EPB41L3: variants seen among roughly 807,000 people sequenced by gnomAD.
EPB41L3 encodes the protein band 4.1-like protein 3.
Under a neutral mutation model 127.1 loss-of-function variants are expected in EPB41L3, and 57 were observed. The observed-to-expected ratio is 0.45, with a 90% CI of 0.36 to 0.56. EPB41L3 has a LOEUF of 0.56. Among genes scored for constraint, EPB41L3 ranks in the 20% least tolerant of loss-of-function variants. The pLI is 0.00. For missense variants in EPB41L3, 1,273 were observed against 1,372.2 expected (o/e 0.93, Z 1.14); for synonymous variants, 572 against 549.5 (o/e 1.04, Z -0.57).
intron 3 of EPB41L3, among the ~76,000 whole-genome samples, chr18:5,464,087 T>C (rs1358533316): frequency 1.3e-5 from 2 of 152,114 alleles, no homozygotes; most frequent in African/African-American, 4.8e-5. Context: ...TACTCAACAC[T>C]TGCTCTCACA....
At chr18:5,609,988 T>C (rs1426117376) in intron 3 of EPB41L3, among the ~76,000 whole-genome samples, 1 of 152,192 alleles carries the variant, frequency 6.6e-6, no homozygotes, top group Non-Finnish European at 1.5e-5. Context: ...CCCTCTCTGA[T>C]GCAGGAGGAC....
intron 16 of EPB41L3, chr18:5,399,510 A>G (rs2074137581): frequency 7.5e-6 from 3 of 397,512 alleles, no homozygotes; most frequent in African/African-American, 2.1e-5. Flanking sequence ...TACAGTGCTC[A>G]TGTTATTATC....
chr18:5,532,929 A>G (rs1042880197), intron 1 of EPB41L3, among the ~76,000 whole-genome samples: 1 of 152,212 alleles, frequency 6.6e-6, no homozygotes, highest in Non-Finnish European at 1.5e-5. Context: ...GCATGGAGAA[A>G]TAAGAGGTAT....
chr18:5,607,863 A>C (rs1219903056), intron 3 of EPB41L3, among the ~76,000 whole-genome samples: 2 of 151,994 alleles, frequency 1.3e-5, no homozygotes, highest in Admixed American at 1.3e-4. Context: ...GCATGGCAAA[A>C]CATTATCTGG....
At chr18:5,622,247 C>A (rs1057000817) in intron 1 of EPB41L3, among the ~76,000 whole-genome samples, 1 of 152,110 alleles carries the variant, frequency 6.6e-6, no homozygotes, top group Non-Finnish European at 1.5e-5. Context: ...TAAATGTTAA[C>A]AAGGTATGCA....
intron 1 of EPB41L3, among the ~76,000 whole-genome samples, chr18:5,534,980 T>C (rs1025838450): frequency 5.9e-5 from 9 of 152,110 alleles, no homozygotes; most frequent in African/African-American, 2.2e-4. Flanking sequence ...TCCCCACCAC[T>C]GGGCCAAGGA....
chr18:5,519,787 C>G (rs567984412), intron 1 of EPB41L3, among the ~76,000 whole-genome samples: 1 of 152,212 alleles, frequency 6.6e-6, no homozygotes. Flanking sequence ...CTCTTTCCTA[C>G]ATTTGCGGAT....
At chr18:5,424,439 T>A (rs537579663) in intron 9 of EPB41L3, 80 bp from the exon 10 acceptor site, 1 of 1,130,112 alleles carries the variant, frequency 8.8e-7, no homozygotes, top group Admixed American at 2.5e-5. Context: ...TACAGAATCA[T>A]GATGCCACCA....
chr18:5,626,317 CA>C (rs2094923094), intron 1 of EPB41L3, among the ~76,000 whole-genome samples: 1 of 152,184 alleles, frequency 6.6e-6, no homozygotes, highest in Non-Finnish European at 1.5e-5. Flanking sequence ...GAAAACAAAA[CA>C]AATTATTTTC....
chr18:5,484,004 A>G (rs1360489656), intron 2 of EPB41L3, among the ~76,000 whole-genome samples: 4 of 145,504 alleles, frequency 2.7e-5, no homozygotes, highest in African/African-American at 1.0e-4. Flanking sequence ...CAACTGCTGC[A>G]GAATACATTC....
chr18:5,516,439 TC>T (rs552439413), intron 1 of EPB41L3, among the ~76,000 whole-genome samples: 90 of 152,318 alleles, frequency 5.9e-4, no homozygotes, highest in African/African-American at 2.0e-3. Flanking sequence ...TATCAGTTGT[TC>T]TCCAAGTGAA....
chr18:5,578,472 C>T (rs191354724), intron 3 of EPB41L3, among the ~76,000 whole-genome samples: 77 of 152,252 alleles, frequency 5.1e-4, no homozygotes, highest in Admixed American at 2.2e-3. Context: ...GATTTGAAAG[C>T]TCTGCTTTTC....
At position 5,501,279 on chromosome 18, in the gene EPB41L3, A is replaced by ATGAC. The variant is rs1352330451; in HGVS notation, c.-11-12086_-11-12085insGTCA. ...AGACTGGGGGTCATTAAGTATTTAAATGAATGAATGAATGAATGAATGAAT... is the reference window on the plus strand; with the variant it reads ...AGACTGGGGGTCATTAAGTATTTAAATGACTGAATGAATGAATGAATGAATGAAT... On this transcript the variant is annotated intron_variant, in intron 1 of 22. Transcript: ENST00000341928. 3.8e-4 allele frequency among the ~76,000 whole-genome samples: 38 copies of ATGAC among 100,102 alleles called. 1 individual carries two copies. The highest frequency in any genetic ancestry group is 1.7e-3 in the African/African-American group (37 of 21,466). 65.7% of individuals were successfully genotyped at this position (100,102 alleles called of 152,430 possible).
At chr18:5,570,956 A>AT (rs1236004424) in intron 3 of EPB41L3, 1 of 152,146 alleles carries the variant, frequency 6.6e-6, no homozygotes, top group Admixed American at 6.5e-5. Flanking sequence ...AATGTCTGTA[A>AT]TTTTTTTCTT....
intron 1 of EPB41L3, among the ~76,000 whole-genome samples, chr18:5,498,331 C>T (rs1243313018): frequency 1.3e-5 from 2 of 152,076 alleles, no homozygotes; most frequent in Non-Finnish European, 2.9e-5. Flanking sequence ...CCGTGGCTCA[C>T]GCCTGTAATT....
rs2076782920 is a variant in EPB41L3, at chr18:5,416,133, G to C, written c.1752C>G (p.Thr584=). 4 of 1,613,634 alleles carry C rather than the reference G, an allele frequency of 2.5e-6. No homozygotes were observed. The highest frequency in any genetic ancestry group is 8.5e-7 in the Non-Finnish European group (1 of 1,179,816). Reference sequence around the variant, plus strand: ...GGAGCTGCAAGGAGAAGGAGAACAGGGTGGTCCCCTTGCCAGTTTGCTGTC... The same window carrying C: ...GGAGCTGCAAGGAGAAGGAGAACAGCGTGGTCCCCTTGCCAGTTTGCTGTC... ...SYRQQTGKGT[T]LFSFSLQLPE... is the part of the protein sequence containing the mutation. Residue 584 remains threonine (T), a synonymous_variant, in exon 13 of 23, where the codon ACC becomes ACG. Transcript: ENST00000341928.
At chr18:5,491,290 T>A (rs2090565897) in intron 1 of EPB41L3, among the ~76,000 whole-genome samples, 1 of 152,212 alleles carries the variant, frequency 6.6e-6, no homozygotes, top group Non-Finnish European at 1.5e-5. Context: ...GATGACCTCA[T>A]GGACCATGAC....
intron 3 of EPB41L3, among the ~76,000 whole-genome samples, chr18:5,611,875 C>G (rs1322270927): frequency 6.6e-6 from 1 of 152,160 alleles, no homozygotes; most frequent in African/African-American, 2.4e-5. Context: ...GTGAGGATCA[C>G]TTGAGCCCAG....
intron 1 of EPB41L3, among the ~76,000 whole-genome samples, chr18:5,515,282 C>G (rs1025608016): frequency 6.6e-6 from 1 of 152,162 alleles, no homozygotes; most frequent in Non-Finnish European, 1.5e-5. Context: ...GTAGCATTCC[C>G]TAAAAAGTCT....
Sources: allele counts gnomAD v4.1 joint callset (sites outside exome capture counted in the v4.1 genomes callset), GRCh38; gene constraint gnomAD v4.1.1; transcripts MANE v1.5; gene names NCBI Gene and HGNC (gene_info 2026-07-23, HGNC 2026-07-21).